The following SYTL2 variants were observed in gnomAD, a reference collection of about 807,000 sequenced individuals.
The protein encoded by SYTL2 is synaptotagmin like 2.
SYTL2 carries 165 observed loss-of-function variants against 198.7 expected under a neutral mutation model. The ratio of observed to expected loss-of-function variants is 0.83; its 90% CI spans 0.73 to 0.94. SYTL2 has a LOEUF of 0.94. SYTL2 is among the 40% of genes least tolerant of loss of function. SYTL2 has a pLI of 0.00. For missense variants in SYTL2, 2,835 were observed against 2,582.8 expected (o/e 1.10, Z -2.12); for synonymous variants, 966 against 917.7 (o/e 1.05, Z -0.95).
the SYTL2 span, among the ~76,000 whole-genome samples, chr11:85,833,897 C>A: frequency 6.6e-6 from 1 of 151,898 alleles, no homozygotes; most frequent in Non-Finnish European, 1.5e-5. Flanking sequence ...CGTCACCATG[C>A]CCGGCTAATT....
At chr11:85,795,128 C>A (rs2092783858) in intron 1 of SYTL2, among the ~76,000 whole-genome samples, 1 of 152,114 alleles carries the variant, frequency 6.6e-6, no homozygotes, top group Admixed American at 6.5e-5. Flanking sequence ...CTTAGTCTAG[C>A]ATGAGTCCAT....
intron 1 of SYTL2, among the ~76,000 whole-genome samples, chr11:85,792,244 G>A (rs1480156872): frequency 6.6e-6 from 1 of 151,972 alleles, no homozygotes; most frequent in African/African-American, 2.4e-5. Context: ...CTTCAAATTA[G>A]GGGTGACTTG....
chr11:85,762,195 G>A (rs1475979396), intron 1 of SYTL2, among the ~76,000 whole-genome samples: 4 of 152,148 alleles, frequency 2.6e-5, no homozygotes, highest in South Asian at 2.1e-4. Context: ...GAGACTCACC[G>A]ACCCAGACCC....
chr11:85,745,123 T>C (rs973578405), intron 4 of SYTL2, among the ~76,000 whole-genome samples: 3 of 152,364 alleles, frequency 2.0e-5, no homozygotes, highest in African/African-American at 7.2e-5. Flanking sequence ...TTATTGTTCC[T>C]AGCTATAGTT....
intron 15 of SYTL2, among the ~76,000 whole-genome samples, chr11:85,707,120 C>T (rs1291550076): frequency 2.0e-5 from 3 of 152,138 alleles, no homozygotes; most frequent in East Asian, 3.9e-4. Flanking sequence ...GGATTACAGG[C>T]GTGAACCACC....
chr11:85,717,560 T>C lies in SYTL2; in HGVS notation c.5483-30A>G, dbSNP rs765759521. The C allele has an allele frequency of 3.2e-6, 5 of 1,586,820 alleles. No homozygotes were observed. In the East Asian group the frequency reaches 9.0e-5, roughly 28 times the overall value. Reference sequence around the variant, plus strand: ...TCAGGAGGGCAACATTGAGAATAAATACCATTTTAACAGAAGGATTAAAGA... The same window carrying C: ...TCAGGAGGGCAACATTGAGAATAAACACCATTTTAACAGAAGGATTAAAGA... On this transcript the variant is annotated intron_variant, in intron 10 of 19. Transcript: ENST00000359152.
chr11:85,814,337 G>A (rs927704578), upstream of SYTL2, among the ~76,000 whole-genome samples: 1 of 152,150 alleles, frequency 6.6e-6, no homozygotes, highest in Non-Finnish European at 1.5e-5. Flanking sequence ...TTCAGTGTAT[G>A]TGACTGTAAC....
chr11:85,717,620 A>T, intron 10 of SYTL2, 90 bp from the exon 11 acceptor site: 3 of 1,056,834 alleles, frequency 2.8e-6, no homozygotes, highest in Non-Finnish European at 2.9e-6. Context: ...CAGTTTCACA[A>T]CTGAGACAGC....
chr11:85,770,364 T>C (rs895234737), intron 1 of SYTL2, among the ~76,000 whole-genome samples: 1 of 152,192 alleles, frequency 6.6e-6, no homozygotes, highest in African/African-American at 2.4e-5. Flanking sequence ...TAATTTTCTC[T>C]GAACATGGCT....
At chr11:85,807,827 T>A (rs1183672975) in intron 1 of SYTL2, among the ~76,000 whole-genome samples, 1 of 152,166 alleles carries the variant, frequency 6.6e-6, no homozygotes, top group Non-Finnish European at 1.5e-5. Flanking sequence ...AGGGGTGAAC[T>A]TCGGGGCTCA....
At chr11:85,753,363 C>T (rs2091663809) in intron 2 of SYTL2, among the ~76,000 whole-genome samples, 2 of 152,014 alleles carry the variant, frequency 1.3e-5, no homozygotes, top group South Asian at 4.1e-4. Context: ...TGTAGCGATA[C>T]ATGGTAATAA....
Position 85,745,639 on chromosome 11 carries a change from C to G in SYTL2, c.387G>C (p.Pro129=), listed in dbSNP as rs762439780. The G allele has an allele frequency of 6.2e-7, 1 of 1,611,996 alleles. No individual in the cohort carries two copies. The highest frequency in any genetic ancestry group is 8.5e-7 in the Non-Finnish European group (1 of 1,178,520). Residue 129 remains proline, a splice_region_variant and synonymous_variant, in exon 4 of 20, where the codon CCG becomes CCC. Coordinates refer to ENST00000359152, the MANE Select transcript of SYTL2 (RefSeq NM_206927.4). ...TCTCCCCAGAAGCTTTGCCTTACCTCGGGCTTGCTGGTGCTGCATCTTCTT... is the reference window on the plus strand; with the variant it reads ...TCTCCCCAGAAGCTTTGCCTTACCTGGGGCTTGCTGGTGCTGCATCTTCTT... ...EPEEDAAPAS[P]SSSVVNPASS...
At chr11:85,768,918 T>C (rs1354628175) in intron 1 of SYTL2, among the ~76,000 whole-genome samples, 1 of 152,150 alleles carries the variant, frequency 6.6e-6, no homozygotes, top group Non-Finnish European at 1.5e-5. Context: ...GGTTCTGCAG[T>C]AACAGCCCTC....
chr11:85,694,484 A>C lies in SYTL2; in HGVS notation c.*711T>G, dbSNP rs933189503. The C allele has an allele frequency of 1.3e-5, 2 of 152,246 alleles. No individual in the cohort carries two copies. Among genetic ancestry groups the C allele is most frequent in the Non-Finnish European group, 2.9e-5 (2 of 68,040 alleles). The allele number at this position is 152,246 out of a possible 1,614,324, so 9.4% of individuals were successfully genotyped here. A position where few individuals can be genotyped will look rare whatever the true frequency, so the allele number is the denominator to read the frequency against. ...ATCATATATATGCAGGGTTTTAAAA[A>C]AATAAACTCATAAAAATACAGGCTT... On this transcript the variant is annotated 3_prime_UTR_variant, in exon 20 of 20. Coordinates refer to ENST00000359152, the MANE Select transcript of SYTL2 (RefSeq NM_206927.4).
At chr11:85,778,569 C>G (rs2092500482) in intron 1 of SYTL2, among the ~76,000 whole-genome samples, 1 of 152,258 alleles carries the variant, frequency 6.6e-6, no homozygotes. Flanking sequence ...CAGAAGGCAG[C>G]AAGACCTGTA....
chr11:85,730,952 A>AGAC (rs2089752459), intron 7 of SYTL2, among the ~76,000 whole-genome samples: 1 of 152,184 alleles, frequency 6.6e-6, no homozygotes, highest in Admixed American at 6.5e-5. Flanking sequence ...CACCAATAAT[A>AGAC]AAGAGCCAAA....
intron 1 of SYTL2, among the ~76,000 whole-genome samples, chr11:85,766,549 AG>A (rs1329834084): frequency 1.3e-5 from 2 of 152,214 alleles, no homozygotes; most frequent in African/African-American, 4.8e-5. Flanking sequence ...TTAACTACAC[AG>A]CTTGGGAAGC....
At chr11:85,705,252 A>T (rs2084948015) in intron 15 of SYTL2, 1 of 431,464 alleles carries the variant, frequency 2.3e-6, no homozygotes, top group South Asian at 5.1e-5. Context: ...TGGAAAAGCA[A>T]ACCAAGGCTC....
the SYTL2 span, among the ~76,000 whole-genome samples, chr11:85,848,540 G>T: frequency 6.6e-6 from 1 of 151,394 alleles, no homozygotes; most frequent in Non-Finnish European, 1.5e-5. Context: ...AGTCACATTT[G>T]TTCAAAAGAT....
Sources: allele counts gnomAD v4.1 joint callset (sites outside exome capture counted in the v4.1 genomes callset), GRCh38; gene constraint gnomAD v4.1.1; transcripts MANE v1.5; gene names NCBI Gene and HGNC (gene_info 2026-07-23, HGNC 2026-07-21).